The following IQCM variants were observed in gnomAD, a reference collection of about 807,000 sequenced individuals.
IQCM encodes IQ motif containing M.
In IQCM, 45 loss-of-function variants were observed where a neutral mutation model predicts 57.6. The observed-to-expected ratio is 0.78, with a 90% CI of 0.62 to 1.00. The LOEUF (loss-of-function observed/expected upper bound fraction) is 1.00, where lower values mean the gene tolerates loss of function less well. IQCM is among the 50% of genes least tolerant of loss of function. The pLI is 0.00. For missense variants in IQCM, 468 were observed against 511.6 expected (o/e 0.91, Z 0.82); for synonymous variants, 148 against 158.9 (o/e 0.93, Z 0.51).
At chr4:149,509,236 A>C (rs1232920211) in intron 12 of IQCM, among the ~76,000 whole-genome samples, 2 of 151,988 alleles carry the variant, frequency 1.3e-5, no homozygotes, top group Non-Finnish European at 2.9e-5. Flanking sequence ...TGTTTGGGAG[A>C]TTGAAGTTTT....
chr4:149,700,223 C>T (rs1263435086), intron 5 of IQCM, among the ~76,000 whole-genome samples: 1 of 152,042 alleles, frequency 6.6e-6, no homozygotes, highest in Non-Finnish European at 1.5e-5. Context: ...GCAGGTCTGA[C>T]ATACTCCTTT....
At chr4:149,636,573 A>G (rs1300811825) in intron 7 of IQCM, among the ~76,000 whole-genome samples, 1 of 152,142 alleles carries the variant, frequency 6.6e-6, no homozygotes, top group Non-Finnish European at 1.5e-5. Flanking sequence ...CAGAAAAGCC[A>G]CACATGCCCC....
At chr4:149,521,576 G>A (rs1269595268) in intron 12 of IQCM, among the ~76,000 whole-genome samples, 1 of 152,196 alleles carries the variant, frequency 6.6e-6, no homozygotes, top group South Asian at 2.1e-4. Flanking sequence ...TTCAGTTGAG[G>A]AGTCTTGAAA....
chr4:149,580,995 C>CTT (rs1752126815), intron 9 of IQCM, among the ~76,000 whole-genome samples: 1 of 151,638 alleles, frequency 6.6e-6, no homozygotes. Flanking sequence ...CCTTATTGAG[C>CTT]TTATATTCCA....
intron 12 of IQCM, among the ~76,000 whole-genome samples, chr4:149,443,326 T>C (rs1736160453): frequency 2.6e-5 from 4 of 152,056 alleles, no homozygotes; most frequent in African/African-American, 9.7e-5. Context: ...CTAGTCAAGT[T>C]TGTACATCAT....
At chr4:149,381,464 T>A (rs1044496070) in intron 13 of IQCM, among the ~76,000 whole-genome samples, 2 of 152,084 alleles carry the variant, frequency 1.3e-5, no homozygotes, top group East Asian at 1.9e-4. Context: ...CACCTCCTCA[T>A]TGACTTCTTT....
chr4:149,652,648 T>A (rs1402642935), intron 7 of IQCM, among the ~76,000 whole-genome samples: 1 of 151,660 alleles, frequency 6.6e-6, no homozygotes, highest in East Asian at 1.9e-4. Flanking sequence ...AAAAACATCA[T>A]TTCCAGAAAT....
At chr4:149,398,927 G>A (rs962290709) in intron 13 of IQCM, among the ~76,000 whole-genome samples, 1 of 151,974 alleles carries the variant, frequency 6.6e-6, no homozygotes, top group Admixed American at 6.6e-5. Flanking sequence ...TAGAGACAAG[G>A]TCTCACTATG....
intron 12 of IQCM, among the ~76,000 whole-genome samples, chr4:149,539,194 T>C (rs1338528499): frequency 6.6e-6 from 1 of 152,146 alleles, no homozygotes; most frequent in Non-Finnish European, 1.5e-5. Context: ...AAATGTGGCA[T>C]ATTTATACAA....
chr4:149,354,374 A>AAC (rs1560766342), intron 13 of IQCM, among the ~76,000 whole-genome samples: 1 of 132,296 alleles, frequency 7.6e-6, no homozygotes, highest in Non-Finnish European at 1.6e-5. Context: ...AAAAAAAAAA[A>AAC]AAAAAAAAAA....
intron 2 of IQCM, among the ~76,000 whole-genome samples, chr4:149,809,104 A>G (rs1402342592): frequency 6.6e-6 from 1 of 152,150 alleles, no homozygotes; most frequent in African/African-American, 2.4e-5. Flanking sequence ...GTCTTAGACA[A>G]GATTCATTGA....
intron 13 of IQCM, among the ~76,000 whole-genome samples, chr4:149,430,743 A>T (rs1734783245): frequency 1.3e-5 from 2 of 151,994 alleles, no homozygotes; most frequent in African/African-American, 2.4e-5. Context: ...TTACCTATTC[A>T]TCTGTAAGTA....
chr4:149,733,466 G>T lies in IQCM; in HGVS notation c.163C>A (p.His55Asn). The T allele has an allele frequency of 8.1e-7, 1 of 1,230,386 alleles. No individual in the cohort carries two copies. The highest frequency in any genetic ancestry group is 1.0e-6 in the Non-Finnish European group (1 of 986,528). The allele number at this position is 1,230,386 out of a possible 1,614,324, so 76.2% of individuals were successfully genotyped here. A position where few individuals can be genotyped will look rare whatever the true frequency, so the allele number is the denominator to read the frequency against. The change falls in exon 5 of 14, where the codon CAC becomes AAC. Residue 55 changes from histidine (H) to asparagine (N), a missense_variant. Coordinates refer to ENST00000636793, the MANE Select transcript of IQCM (RefSeq NM_001363507.2). ...GTSINVFRKK[H>N]QKPKSGKYIP... Reference sequence around the variant, plus strand: ...TATTTGCCAGATTTCGGTTTTTGGTGTTTCTTTCTAAAAACATTTATAGAA... The same window carrying T: ...TATTTGCCAGATTTCGGTTTTTGGTTTTTCTTTCTAAAAACATTTATAGAA...
At chr4:149,624,852 G>A (rs926711038) in intron 7 of IQCM, among the ~76,000 whole-genome samples, 1 of 152,168 alleles carries the variant, frequency 6.6e-6, no homozygotes, top group African/African-American at 2.4e-5. Flanking sequence ...AAATGAAAAT[G>A]TATCTTTATT....
chr4:149,456,592 G>T (rs1246799791), intron 12 of IQCM, among the ~76,000 whole-genome samples: 3 of 152,046 alleles, frequency 2.0e-5, no homozygotes, highest in Non-Finnish European at 4.4e-5. Context: ...ATCAGCTGTA[G>T]AATTCTCTAC....
Position 149,497,356 on chromosome 4 carries a change from T to C in IQCM, c.1228+51099A>G, listed in dbSNP as rs1742764356. On this transcript the variant is annotated intron_variant, in intron 12 of 13. Transcript: ENST00000636793. ...AAGGCCAGATATTAGGAGAAAAATGTCATAGTATCAGTCCATTTTCACACT... is the reference window on the plus strand; with the variant it reads ...AAGGCCAGATATTAGGAGAAAAATGCCATAGTATCAGTCCATTTTCACACT... Among the ~76,000 whole-genome samples, 3 of 152,026 alleles carry C rather than the reference T, an allele frequency of 2.0e-5. No homozygotes were observed. The South Asian group carries it at 6.2e-4, about 32-fold the overall frequency.
rs1388016786 is a variant in IQCM at position 149,733,295 on chromosome 4, G to T, written c.334C>A (p.His112Asn). ...PPQRISFKEP[H>N]IFSRRERCRP... ...CATCTTTCTCTTCTACTAAAAATGT[G>T]TGGTTCCTTGAAGGAGATTCGTTGT... Residue 112 changes from histidine (H) to asparagine (N), a missense_variant, in exon 5 of 14, where the codon CAC becomes AAC. Physicochemically the swap from His to Asn is moderately conservative, Grantham distance 68. Transcript: ENST00000636793. 8.1e-7 allele frequency: 1 copy of T among 1,231,568 alleles called. No individual in the cohort carries two copies. The highest frequency in any genetic ancestry group is 1.0e-6 in the Non-Finnish European group (1 of 987,742). The allele number at this position is 1,231,568 out of a possible 1,614,324, so 76.3% of individuals were successfully genotyped here.
At chr4:149,555,154 GCTAATGT>G (rs1209534892) in intron 10 of IQCM, among the ~76,000 whole-genome samples, 1 of 151,892 alleles carries the variant, frequency 6.6e-6, no homozygotes, top group Non-Finnish European at 1.5e-5. Flanking sequence ...CTGGATGTTT[GCTAATGT>G]CTCTCAACAT....
intron 13 of IQCM, among the ~76,000 whole-genome samples, chr4:149,364,015 G>T (rs2110934593): frequency 6.6e-6 from 1 of 152,228 alleles, no homozygotes; most frequent in South Asian, 2.1e-4. Context: ...AGAACCTAAA[G>T]AATTTAACAC....
Sources: gnomAD v4.1 joint callset for allele counts (sites outside exome capture counted in the v4.1 genomes callset) on GRCh38, gnomAD v4.1.1 for gene constraint, MANE v1.5 for transcripts, NCBI Gene and HGNC (gene_info 2026-07-23, HGNC 2026-07-21) for gene names.